TWIST2: variants seen among roughly 807,000 people sequenced by gnomAD.
TWIST2 encodes twist-related protein 2.
Under a neutral mutation model 11.6 loss-of-function variants are expected in TWIST2, and 1 was observed. The observed-to-expected ratio is 0.09, with a 90% CI of 0.03 to 0.41. The LOEUF (loss-of-function observed/expected upper bound fraction) is 0.41. Among genes scored for constraint, TWIST2 ranks in the 10% least tolerant of loss-of-function variants. The pLI, the probability that TWIST2 is intolerant of heterozygous loss-of-function variation, is 0.98. For missense variants in TWIST2, 168 were observed against 226.4 expected, an observed-to-expected ratio of 0.74 and a Z score of 1.66; for synonymous variants, 87 against 96.6, an observed-to-expected ratio of 0.90 and a Z score of 0.58.
intron 1 of TWIST2, among the ~76,000 whole-genome samples, chr2:238,895,221 T>C (rs1368718372): frequency 6.6e-6 from 1 of 152,264 alleles, no homozygotes; most frequent in Non-Finnish European, 1.5e-5. Context: ...GTGTCAGTGC[T>C]GTGGATACAA....
In TWIST2 at chr2:238,866,049, G is replaced by C. The variant is rs1394002782; in HGVS notation, c.*35+17316G>C. Reference sequence around the variant, plus strand: ...CTGATCTGACTCCGTCGCTTAACCTGTTAATGGAATAGCATGGACGATGCA... The same window carrying C: ...CTGATCTGACTCCGTCGCTTAACCTCTTAATGGAATAGCATGGACGATGCA... On this transcript the variant is annotated intron_variant, in intron 1 of 1. Coordinates refer to ENST00000612363, the MANE Select transcript of TWIST2 (RefSeq NM_001271893.4). The surrounding 1 kb of genome is among the most constrained non-coding windows in gnomAD (Gnocchi z 4.9). Among the ~76,000 whole-genome samples the C allele has an allele frequency of 1.3e-5, 2 of 152,204 alleles. No individual in the cohort carries two copies. The highest frequency in any genetic ancestry group is 2.9e-5 in the Non-Finnish European group (2 of 68,034).
rs142907379 is a variant in TWIST2, at chr2:238,864,184, G to A, written c.*35+15451G>A. Among the ~76,000 whole-genome samples the A allele has an allele frequency of 8.7e-4, 133 of 152,242 alleles. No individual in the cohort carries two copies. Among genetic ancestry groups the A allele is most frequent in the African/African-American group, 3.0e-3 (126 of 41,542 alleles). On this transcript the variant is annotated intron_variant, in intron 1 of 1. Coordinates refer to ENST00000612363, the MANE Select transcript of TWIST2 (RefSeq NM_001271893.4). The surrounding 1 kb of genome is among the most constrained non-coding windows in gnomAD (Gnocchi z 4.7). ...TTGTAAGTTTCCATCAGCATGGGGG[G>A]AAGGGGCTGGAGGTGAGGGGGGACC...
At chr2:238,856,852 C>T (rs1346371668) in intron 1 of TWIST2, among the ~76,000 whole-genome samples, 1 of 152,162 alleles carries the variant, frequency 6.6e-6, no homozygotes. Flanking sequence ...CACACTGCTG[C>T]AATAGTGCCA....
At chr2:238,902,692 G>A (rs1693286142) in intron 1 of TWIST2, among the ~76,000 whole-genome samples, 10 of 133,178 alleles carry the variant, frequency 7.5e-5, no homozygotes, top group African/African-American at 2.8e-4. Flanking sequence ...GTGTGATATG[G>A]GGTGTGATGT....
chr2:238,865,581 C>T (rs1168775405), intron 1 of TWIST2, among the ~76,000 whole-genome samples: 2 of 152,212 alleles, frequency 1.3e-5, no homozygotes, highest in African/African-American at 2.4e-5. Flanking sequence ...GCCCTACTCA[C>T]GTCACCCACC....
intron 1 of TWIST2, among the ~76,000 whole-genome samples, chr2:238,900,390 C>T (rs1225236479): frequency 1.3e-5 from 2 of 152,194 alleles, no homozygotes; most frequent in East Asian, 3.8e-4. Context: ...TGGACTCCTG[C>T]CCCCAGTTGA....
chr2:238,866,783 ACC>A lies in TWIST2; in HGVS notation c.*35+18052_*35+18053del, dbSNP rs1692545413. Among the ~76,000 whole-genome samples the A allele has an allele frequency of 1.3e-5, 2 of 151,430 alleles. No individual in the cohort carries two copies. Among genetic ancestry groups the A allele is most frequent in the African/African-American group, 4.9e-5 (2 of 41,120 alleles). On this transcript the variant is annotated intron_variant, in intron 1 of 1. Coordinates refer to ENST00000612363, the MANE Select transcript of TWIST2 (RefSeq NM_001271893.4). This position sits in a 1 kb window ranked among gnomAD's most constrained non-coding sequence, Gnocchi z 4.9. ...TCCCCTCCTTGGGGAGCCTCTAACC[ACC>A]CTGCTGGCATTTGTGGTGACTCCTG... is the stretch of plus-strand genomic sequence containing the variant.
intron 1 of TWIST2, among the ~76,000 whole-genome samples, chr2:238,907,473 C>A (rs1307806823): frequency 2.0e-5 from 3 of 152,270 alleles, no homozygotes; most frequent in Admixed American, 2.0e-4. Context: ...TGAGCGGGTT[C>A]TTTCCCCAAG....
At chr2:238,891,789 G>A (rs901595506) in intron 1 of TWIST2, among the ~76,000 whole-genome samples, 3 of 152,138 alleles carry the variant, frequency 2.0e-5, no homozygotes, top group East Asian at 1.9e-4. Context: ...GCTATTCTCC[G>A]TGTCTCCGCT....
chr2:238,878,756 A>G (rs1354177621), intron 1 of TWIST2, among the ~76,000 whole-genome samples: 1 of 143,030 alleles, frequency 7.0e-6, no homozygotes, highest in Admixed American at 7.1e-5. Flanking sequence ...ACTGTCTGTG[A>G]CCATGGGGAC....
rs776021563 is a variant in TWIST2, at chr2:238,848,348, C to T, written c.133C>T (p.Pro45Ser). 6.5e-7 allele frequency: 1 copy of T among 1,534,672 alleles called. No homozygotes were observed. The highest frequency in any genetic ancestry group is 1.2e-5 in the South Asian group (1 of 84,014). Residue 45 changes from proline (P) to serine (S), a missense_variant, in exon 1 of 2, where the codon CCG becomes TCG. Pro to Ser is a moderately conservative substitution (Grantham distance 74). Coordinates refer to ENST00000612363, the MANE Select transcript of TWIST2 (RefSeq NM_001271893.4). ...YSKKSSEDGS[P>S]TPGKRGKKGS... ...CAAGAAGTCGAGCGAAGATGGCAGC[C>T]CGACCCCGGGCAAGCGCGGCAAGAA... is the stretch of plus-strand genomic sequence containing the variant.
chr2:238,862,554 C>T (rs1426058043), intron 1 of TWIST2, among the ~76,000 whole-genome samples: 2 of 152,044 alleles, frequency 1.3e-5, no homozygotes, highest in Admixed American at 6.6e-5. Flanking sequence ...TTATAAACCC[C>T]AGTATTGAGG....
At chr2:238,875,486 A>G (rs141202603) in intron 1 of TWIST2, among the ~76,000 whole-genome samples, 2 of 152,318 alleles carry the variant, frequency 1.3e-5, no homozygotes, top group African/African-American at 4.8e-5. Flanking sequence ...ATGCTGGCCA[A>G]GCATCCCAGT....
At chr2:238,861,405 G>A (rs1481110126) in intron 1 of TWIST2, among the ~76,000 whole-genome samples, 1 of 151,694 alleles carries the variant, frequency 6.6e-6, no homozygotes, top group African/African-American at 2.4e-5. Context: ...CTGTATGCCT[G>A]GGGGGACACT....
intron 1 of TWIST2, among the ~76,000 whole-genome samples, chr2:238,892,143 C>T (rs891523719): frequency 2.0e-5 from 3 of 152,098 alleles, no homozygotes; most frequent in African/African-American, 7.2e-5. Context: ...TGGGCTGAGC[C>T]AGGCAACCAC....
At chr2:238,904,295 T>C (rs1292759695) in intron 1 of TWIST2, among the ~76,000 whole-genome samples, 4 of 138,184 alleles carry the variant, frequency 2.9e-5, no homozygotes, top group Admixed American at 7.2e-5. Context: ...GTGTGTGTGA[T>C]GGGGGTGTGT....
At chr2:238,872,834 A>G (rs1692731469) in intron 1 of TWIST2, among the ~76,000 whole-genome samples, 1 of 152,210 alleles carries the variant, frequency 6.6e-6, no homozygotes, top group African/African-American at 2.4e-5. Context: ...CACGCTCCGC[A>G]GATGGTTTTG....
rs371844227 is a variant in TWIST2 at position 238,863,885 on chromosome 2, G to A, written c.*35+15152G>A. ...GTGTGGGACTGAGGAGAGGTCGGCC[G>A]TAGAGTAGGTCTACCCCCTATCCTG... On this transcript the variant is annotated intron_variant, in intron 1 of 1. Coordinates refer to ENST00000612363, the MANE Select transcript of TWIST2 (RefSeq NM_001271893.4). This position sits in a 1 kb window ranked among gnomAD's most constrained non-coding sequence, Gnocchi z 4.7. Among the ~76,000 whole-genome samples the A allele has an allele frequency of 7.9e-5, 12 of 152,260 alleles. No individual in the cohort carries two copies. The highest frequency in any genetic ancestry group is 1.9e-4 in the East Asian group (1 of 5,180).
chr2:238,894,940 G>A (rs913526230), intron 1 of TWIST2, among the ~76,000 whole-genome samples: 2 of 152,156 alleles, frequency 1.3e-5, no homozygotes, highest in Non-Finnish European at 2.9e-5. Context: ...AGACCTGAAC[G>A]TACTTTTATT....
Sources: gnomAD v4.1 joint callset for allele counts (sites outside exome capture counted in the v4.1 genomes callset) on GRCh38, gnomAD v4.1.1 for gene constraint, Gnocchi (gnomAD v3.1) non-coding constraint, MANE v1.5 for transcripts, NCBI Gene and HGNC (gene_info 2026-07-23, HGNC 2026-07-21) for gene names.